The following BFSP2 variants were observed in gnomAD, a reference collection of about 807,000 sequenced individuals.
The protein encoded by BFSP2 is phakinin.
BFSP2 carries 38 observed loss-of-function variants against 44.9 expected under a neutral mutation model. That is an observed-to-expected ratio of 0.85 (90% CI 0.65 to 1.11). BFSP2 has a LOEUF of 1.11. Among genes scored for constraint, BFSP2 ranks in the 50% least tolerant of loss-of-function variants. BFSP2 has a pLI of 0.00. For missense variants in BFSP2, 525 were observed against 533.0 expected (o/e 0.99, Z 0.15); for synonymous variants, 197 against 209.9 (o/e 0.94, Z 0.53).
intron 1 of BFSP2, among the ~76,000 whole-genome samples, chr3:133,419,925 C>T (rs1199708786): frequency 6.6e-6 from 1 of 152,252 alleles, no homozygotes; most frequent in Non-Finnish European, 1.5e-5. Context: ...CACTCCGCCA[C>T]AGGAGGTGAG....
chr3:133,435,837 G>T (rs529480082), intron 1 of BFSP2, among the ~76,000 whole-genome samples: 1 of 152,054 alleles, frequency 6.6e-6, no homozygotes. Context: ...TTTCTTTAGG[G>T]CATTGTCCCC....
At chr3:133,427,295 AT>A (rs1198200183) in intron 1 of BFSP2, among the ~76,000 whole-genome samples, 8 of 152,360 alleles carry the variant, frequency 5.3e-5, no homozygotes, top group Admixed American at 3.9e-4. Context: ...GGAACCCAGC[AT>A]GTTCTCCGTA....
intron 6 of BFSP2, among the ~76,000 whole-genome samples, chr3:133,474,021 C>T (rs1283133765): frequency 6.6e-6 from 1 of 152,154 alleles, no homozygotes. Context: ...ATAGTGGAGG[C>T]AGGCAAGGGG....
At chr3:133,415,367 C>G (rs1221598138) in intron 1 of BFSP2, among the ~76,000 whole-genome samples, 3 of 109,510 alleles carry the variant, frequency 2.7e-5, no homozygotes, top group Non-Finnish European at 5.7e-5. Flanking sequence ...CACCCCTCTA[C>G]TCAACCCTGC....
intron 1 of BFSP2, chr3:133,445,569 C>A (rs969231459): frequency 6.6e-6 from 1 of 152,186 alleles, no homozygotes; most frequent in African/African-American, 2.4e-5. Flanking sequence ...TCCATGGATT[C>A]AACCAACTGT....
intron 1 of BFSP2, among the ~76,000 whole-genome samples, chr3:133,415,406 A>C (rs1055038387): frequency 1.2e-3 from 33 of 27,420 alleles, no homozygotes; most frequent in South Asian, 1.3e-3. Flanking sequence ...CCCTCTACTC[A>C]CCCCTGTCCT....
chr3:133,470,353 G>A (rs773005629), intron 5 of BFSP2, among the ~76,000 whole-genome samples: 3 of 152,200 alleles, frequency 2.0e-5, no homozygotes, highest in Non-Finnish European at 4.4e-5. Flanking sequence ...ATCCATAGTG[G>A]TCATAAGGGT....
chr3:133,424,208 G>A (rs1411094403), intron 1 of BFSP2, among the ~76,000 whole-genome samples: 1 of 36,940 alleles, frequency 2.7e-5, no homozygotes, highest in Non-Finnish European at 6.5e-5. Flanking sequence ...ACCGCGTCCA[G>A]CTAATTTTTT....
intron 1 of BFSP2, among the ~76,000 whole-genome samples, chr3:133,430,104 C>T (rs1432701703): frequency 6.6e-6 from 1 of 151,992 alleles, no homozygotes; most frequent in Non-Finnish European, 1.5e-5. Context: ...TTTATGGCTG[C>T]ATAGTATTCC....
chr3:133,427,696 T>C (rs114827910), intron 1 of BFSP2, among the ~76,000 whole-genome samples: 1,550 of 152,320 alleles, frequency 0.01, 24 homozygotes, highest in African/African-American at 0.035. Context: ...CACACTAAAC[T>C]GTCCATTACG....
At chr3:133,425,131 G>A (rs1309435572) in intron 1 of BFSP2, among the ~76,000 whole-genome samples, 1 of 152,160 alleles carries the variant, frequency 6.6e-6, no homozygotes, top group Non-Finnish European at 1.5e-5. Flanking sequence ...ACATTGTCAT[G>A]GTAGCTACTA....
intron 1 of BFSP2, among the ~76,000 whole-genome samples, chr3:133,402,431 G>C (rs567451100): frequency 6.6e-6 from 1 of 152,218 alleles, no homozygotes; most frequent in Non-Finnish European, 1.5e-5. Flanking sequence ...TACAGACTAG[G>C]AAGCTCTAAA....
intron 1 of BFSP2, among the ~76,000 whole-genome samples, chr3:133,419,143 A>G (rs1445077520): frequency 6.6e-6 from 1 of 151,978 alleles, no homozygotes; most frequent in African/African-American, 2.4e-5. Context: ...TCTGTGTCCA[A>G]ACTTCCTCTT....
At chr3:133,456,436 G>A (rs892395016) in intron 4 of BFSP2, among the ~76,000 whole-genome samples, 4 of 152,140 alleles carry the variant, frequency 2.6e-5, no homozygotes, top group East Asian at 1.9e-4. Flanking sequence ...GCAGCAATCC[G>A]GTATGGTAGC....
chr3:133,455,149 G>A (rs2074002150), intron 4 of BFSP2, among the ~76,000 whole-genome samples: 1 of 152,194 alleles, frequency 6.6e-6, no homozygotes, highest in Non-Finnish European at 1.5e-5. Flanking sequence ...GTAGGAGTAT[G>A]CTAATGATAA....
intron 4 of BFSP2, among the ~76,000 whole-genome samples, chr3:133,459,585 G>A (rs953374577): frequency 6.6e-6 from 1 of 152,176 alleles, no homozygotes; most frequent in African/African-American, 2.4e-5. Flanking sequence ...GAAACTTGTA[G>A]CCCAGCCGGG....
At chr3:133,454,818 C>T (rs1160840589) in intron 4 of BFSP2, among the ~76,000 whole-genome samples, 3 of 152,238 alleles carry the variant, frequency 2.0e-5, no homozygotes, top group Non-Finnish European at 4.4e-5. Context: ...ACACGTCATA[C>T]AGCTATACAA....
rs746674149 is a variant in BFSP2, at chr3:133,472,543, C to T, written c.1222C>T (p.Leu408=). ...LQKDVASYHA[L]LDREESG is the part of the protein sequence containing the mutation. ...GAAGGACGTGGCGTCCTACCACGCC[C>T]TGCTGGACAGGGAGGAGAGCGGGTA... The change falls in exon 6 of 7, where the codon CTG becomes TTG. Residue 408 remains leucine, a synonymous_variant. Transcript: ENST00000302334. 383 of 1,612,288 alleles carry T rather than the reference C, an allele frequency of 2.4e-4. 2 individuals carry two copies. The highest frequency in any genetic ancestry group is 1.2e-4 in the South Asian group (11 of 90,970).
At chr3:133,420,057 A>T (rs2073578619) in intron 1 of BFSP2, among the ~76,000 whole-genome samples, 1 of 152,324 alleles carries the variant, frequency 6.6e-6, no homozygotes, top group Admixed American at 6.5e-5. Flanking sequence ...CCAAGATGCC[A>T]GTCTCCACGG....
Sources: allele counts gnomAD v4.1 joint callset (sites outside exome capture counted in the v4.1 genomes callset), GRCh38; gene constraint gnomAD v4.1.1; transcripts MANE v1.5; gene names NCBI Gene and HGNC (gene_info 2026-07-23, HGNC 2026-07-21).